TENM2: variants seen among roughly 807,000 people sequenced by gnomAD.
TENM2 encodes the protein teneurin-2.
Under a neutral mutation model 245.2 loss-of-function variants are expected in TENM2, and 52 were observed. The observed-to-expected ratio is 0.21, with a 90% CI of 0.17 to 0.27. The LOEUF is 0.27. Ranked by LOEUF, TENM2 falls within the 10% of genes least tolerant of loss-of-function variation. The pLI, the probability that TENM2 is intolerant of heterozygous loss-of-function variation, is 1.00. For synonymous variants in TENM2, 1,363 were observed against 1,438.9 expected (o/e 0.95, Z 1.19); for missense variants, 3,046 against 3,666.8 (o/e 0.83, Z 4.37).
At chr5:167,217,459 T>G in the TENM2 span, among the ~76,000 whole-genome samples, 1 of 152,072 alleles carries the variant, frequency 6.6e-6, no homozygotes, top group East Asian at 1.9e-4. Flanking sequence ...CAACGCTATT[T>G]ACTTGAAAAC....
chr5:168,048,767 G>C lies in TENM2; in HGVS notation c.1309+1218G>C, dbSNP rs972301585. On this transcript the variant is annotated intron_variant, in intron 6 of 28. Coordinates refer to ENST00000518659, the Ensembl canonical transcript of TENM2. Reference sequence around the variant, plus strand: ...CTCCCCAGAGCTGTCCTAATGCTTTGAGGATGACTTTTTTGTCTTTTTATC... The same window carrying C: ...CTCCCCAGAGCTGTCCTAATGCTTTCAGGATGACTTTTTTGTCTTTTTATC... Among the ~76,000 whole-genome samples the C allele has an allele frequency of 2.6e-5, 4 of 152,178 alleles. No individual in the cohort carries two copies. In the East Asian group the frequency reaches 5.8e-4, roughly 22 times the overall value.
chr5:167,711,111 AG>A (rs1309096635), intron 2 of TENM2, among the ~76,000 whole-genome samples: 3 of 152,164 alleles, frequency 2.0e-5, no homozygotes, highest in African/African-American at 7.2e-5. Flanking sequence ...ACCTGGCCAA[AG>A]GTTCAAAACT....
At chr5:167,142,529 A>G in the TENM2 span, among the ~76,000 whole-genome samples, 2 of 152,014 alleles carry the variant, frequency 1.3e-5, no homozygotes, top group South Asian at 2.1e-4. Context: ...GTATCATTCA[A>G]TCTCTCTCTA....
At chr5:167,368,503 C>G (rs56790149) in intron 1 of TENM2, among the ~76,000 whole-genome samples, 13,866 of 151,972 alleles carry the variant, frequency 0.091, 1,216 homozygotes, top group East Asian at 0.35. Flanking sequence ...AAATAATTAT[C>G]AAGTTGAGAT....
chr5:168,223,770 A>G (rs1177264003), intron 23 of TENM2, among the ~76,000 whole-genome samples: 3 of 152,104 alleles, frequency 2.0e-5, no homozygotes, highest in African/African-American at 7.2e-5. Flanking sequence ...TGCCCGGCTG[A>G]TTACAAGTAA....
intron 2 of TENM2, among the ~76,000 whole-genome samples, chr5:167,446,146 C>T (rs1266519550): frequency 6.6e-6 from 1 of 152,030 alleles, no homozygotes; most frequent in Non-Finnish European, 1.5e-5. Flanking sequence ...AATAAAAGTG[C>T]TTTGAACTGG....
chr5:168,037,285 C>A (rs1787790452), intron 5 of TENM2, among the ~76,000 whole-genome samples: 2 of 152,136 alleles, frequency 1.3e-5, no homozygotes, highest in South Asian at 4.1e-4. Context: ...AACAAATGAC[C>A]AAATTGGAAT....
intron 2 of TENM2, among the ~76,000 whole-genome samples, chr5:167,572,236 G>A (rs1774315074): frequency 1.3e-5 from 2 of 152,240 alleles, no homozygotes; most frequent in African/African-American, 2.4e-5. Context: ...GCACAGCAAT[G>A]TGGCCAGTGT....
intron 1 of TENM2, among the ~76,000 whole-genome samples, chr5:167,353,595 C>T (rs1185008116): frequency 1.4e-5 from 2 of 147,800 alleles, no homozygotes; most frequent in Admixed American, 6.8e-5. Flanking sequence ...GCAAGCTCCG[C>T]CTCCCGGGTT....
At chr5:167,536,782 C>T (rs749501938) in intron 2 of TENM2, among the ~76,000 whole-genome samples, 11 of 152,084 alleles carry the variant, frequency 7.2e-5, no homozygotes, top group East Asian at 1.9e-4. Context: ...TTTGGGAGAC[C>T]GAGGCAGGCA....
At chr5:167,672,644 T>C (rs1001194331) in intron 2 of TENM2, among the ~76,000 whole-genome samples, 1 of 152,098 alleles carries the variant, frequency 6.6e-6, no homozygotes, top group Admixed American at 6.6e-5. Context: ...ACTGGTTATT[T>C]AAAATAGATC....
chr5:168,132,032 C>T (rs1349039925), intron 12 of TENM2, among the ~76,000 whole-genome samples: 1 of 150,696 alleles, frequency 6.6e-6, no homozygotes, highest in Non-Finnish European at 1.5e-5. Flanking sequence ...TCCCCCACCA[C>T]CCCCCTATAA....
chr5:167,461,196 T>C (rs900790429), intron 2 of TENM2, among the ~76,000 whole-genome samples: 1 of 152,126 alleles, frequency 6.6e-6, no homozygotes, highest in Admixed American at 6.6e-5. Flanking sequence ...TATTAAGATA[T>C]ATAGAAACCC....
At chr5:168,172,468 T>A (rs1758933647) in intron 13 of TENM2, among the ~76,000 whole-genome samples, 1 of 152,160 alleles carries the variant, frequency 6.6e-6, no homozygotes, top group South Asian at 2.1e-4. Flanking sequence ...TTATCCTTTA[T>A]ATAGAAGCAG....
At chr5:167,571,552 T>G (rs1171590609) in intron 2 of TENM2, among the ~76,000 whole-genome samples, 1 of 152,026 alleles carries the variant, frequency 6.6e-6, no homozygotes, top group Non-Finnish European at 1.5e-5. Context: ...TCCACTCCAC[T>G]ACAAATGATA....
At chr5:167,128,741 A>G in the TENM2 span, among the ~76,000 whole-genome samples, 1 of 152,138 alleles carries the variant, frequency 6.6e-6, no homozygotes, top group Non-Finnish European at 1.5e-5. Context: ...TGGCATTGTA[A>G]TTGTTCCGTT....
At chr5:167,681,008 T>C (rs1756670979) in intron 2 of TENM2, among the ~76,000 whole-genome samples, 1 of 152,202 alleles carries the variant, frequency 6.6e-6, no homozygotes, top group African/African-American at 2.4e-5. Context: ...AGTTGTGATT[T>C]GAGTTGCTAA....
intron 2 of TENM2, among the ~76,000 whole-genome samples, chr5:167,411,397 C>T (rs553117995): frequency 6.6e-6 from 1 of 151,960 alleles, no homozygotes; most frequent in Non-Finnish European, 1.5e-5. Flanking sequence ...AATTGTGAAG[C>T]ATAAACAAAA....
At chr5:167,183,707 A>G in the TENM2 span, among the ~76,000 whole-genome samples, 1 of 152,104 alleles carries the variant, frequency 6.6e-6, no homozygotes, top group Non-Finnish European at 1.5e-5. Context: ...TAACATATGT[A>G]TTTTATATAT....
Sources: allele counts gnomAD v4.1 joint callset (sites outside exome capture counted in the v4.1 genomes callset), GRCh38; gene constraint gnomAD v4.1.1; transcripts MANE v1.5; gene names NCBI Gene and HGNC (gene_info 2026-07-23, HGNC 2026-07-21).